The following OPRM1 variants were observed in gnomAD, a reference collection of about 807,000 sequenced individuals.
The protein encoded by OPRM1 is mu-type opioid receptor.
In OPRM1, 27 loss-of-function variants were observed where a neutral mutation model predicts 31.8. That is an observed-to-expected ratio of 0.85 (90% CI 0.63 to 1.17). OPRM1 has a LOEUF of 1.17. Ranked by LOEUF, OPRM1 falls within the 50% of genes most tolerant of loss-of-function variation. The pLI, the probability that OPRM1 is intolerant of heterozygous loss-of-function variation, is 0.00. For missense variants in OPRM1, 536 were observed against 511.1 expected, an observed-to-expected ratio of 1.05 and a Z score of -0.47; for synonymous variants, 196 against 189.9, an observed-to-expected ratio of 1.03 and a Z score of -0.26.
chr6:154,072,642 T>C (rs532835937), intron 1 of OPRM1, among the ~76,000 whole-genome samples: 1 of 152,340 alleles, frequency 6.6e-6, no homozygotes, highest in South Asian at 2.1e-4. Flanking sequence ...TACATTAGTT[T>C]ATGAAAATGA....
chr6:154,014,118 T>A (rs1312130710), intron 1 of OPRM1, among the ~76,000 whole-genome samples: 2 of 152,132 alleles, frequency 1.3e-5, no homozygotes, highest in Non-Finnish European at 2.9e-5. Context: ...TTGATCTAAC[T>A]GATAAGACAC....
chr6:154,210,561 T>C (rs755776711), intron 3 of OPRM1, among the ~76,000 whole-genome samples: 1 of 152,202 alleles, frequency 6.6e-6, no homozygotes, highest in Non-Finnish European at 1.5e-5. Context: ...AAGGGTAAAC[T>C]AATCAGAAAG....
chr6:154,032,326 A>C (rs1779055903), intron 1 of OPRM1, among the ~76,000 whole-genome samples: 1 of 152,228 alleles, frequency 6.6e-6, no homozygotes, highest in Non-Finnish European at 1.5e-5. Context: ...CACTTTTACA[A>C]ATGAAAAAAT....
chr6:154,195,755 T>C (rs1776564126), intron 3 of OPRM1, among the ~76,000 whole-genome samples: 1 of 151,918 alleles, frequency 6.6e-6, no homozygotes, highest in Admixed American at 6.6e-5. Flanking sequence ...CATTAGGTGT[T>C]AACATTTTTT....
chr6:154,093,518 G>C lies in OPRM1; in HGVS notation c.1164+2046G>C, dbSNP rs536957156. ...AAATTCGGCATTTTCACATCAGTAT[G>C]GCTATTGTACAGCCAGATAGAAGAG... On this transcript the variant is annotated intron_variant, in intron 3 of 3. Transcript: ENST00000330432. 11 of 1,592,250 alleles carry C rather than the reference G, an allele frequency of 6.9e-6. No individual in the cohort carries two copies. The South Asian group carries it at 1.3e-4, about 19-fold the overall frequency.
intron 3 of OPRM1, among the ~76,000 whole-genome samples, chr6:154,179,250 C>T (rs1282854173): frequency 6.6e-6 from 1 of 152,202 alleles, no homozygotes; most frequent in African/African-American, 2.4e-5. Context: ...AATTGCTATA[C>T]TAAGACTACA....
At chr6:154,231,131 GAAC>G in intron 3 of OPRM1, among the ~76,000 whole-genome samples, 1 of 152,320 alleles carries the variant, frequency 6.6e-6, no homozygotes, top group South Asian at 2.1e-4. Context: ...TGCCGCCTTA[GAAC>G]AGTTGTCTCT....
At chr6:154,190,933 A>G (rs764892124) in intron 3 of OPRM1, among the ~76,000 whole-genome samples, 2 of 151,998 alleles carry the variant, frequency 1.3e-5, no homozygotes, top group African/African-American at 4.8e-5. Flanking sequence ...GCAGGTACCT[A>G]TAGTCCCAGC....
chr6:154,130,580 T>TA lies in OPRM1; in HGVS notation c.*11859_*11860insA, dbSNP rs1797839115. On this transcript the variant is annotated 3_prime_UTR_variant, in exon 4 of 4. Coordinates refer to ENST00000330432, the MANE Select transcript of OPRM1 (RefSeq NM_000914.5). Reference sequence around the variant, plus strand: ...TGTTAGGCATAGCTATATGAATATTTGCCTATAAATCCCCATCAATTTAAT... The same window carrying TA: ...TGTTAGGCATAGCTATATGAATATTTAGCCTATAAATCCCCATCAATTTAAT... Among the ~76,000 whole-genome samples the TA allele has an allele frequency of 6.6e-6, 1 of 152,144 alleles. No homozygotes were observed. The highest frequency in any genetic ancestry group is 6.6e-5 in the Admixed American group (1 of 15,254).
At chr6:154,198,986 G>C (rs1401270222) in intron 3 of OPRM1, among the ~76,000 whole-genome samples, 1 of 152,170 alleles carries the variant, frequency 6.6e-6, no homozygotes, top group East Asian at 1.9e-4. Flanking sequence ...CGATTGAACA[G>C]TAATAAAAAT....
chr6:154,225,986 G>T (rs945500773), intron 3 of OPRM1, among the ~76,000 whole-genome samples: 2 of 152,132 alleles, frequency 1.3e-5, no homozygotes, highest in African/African-American at 4.8e-5. Flanking sequence ...CCCTCCCTCT[G>T]GAGCCACCCT....
chr6:154,180,406 A>T lies in OPRM1; in HGVS notation c.1165-66287A>T, dbSNP rs1441533093. On this transcript the variant is annotated intron_variant, in intron 3 of 3. Transcript: ENST00000337049. The stretch of plus-strand genomic sequence containing the variant: ...AACAACTATATATATATATATATAT[A>T]TATATATATTTTTTTTTTAAACATG... 7.6e-5 allele frequency among the ~76,000 whole-genome samples: 3 copies of T among 39,356 alleles called. 1 individual carries two copies. The highest frequency in any genetic ancestry group is 1.7e-4 in the Non-Finnish European group (3 of 18,034). 25.8% of individuals were successfully genotyped at this position (39,356 alleles called of 152,430 possible).
chr6:154,072,042 T>C (rs1337368910), intron 1 of OPRM1, among the ~76,000 whole-genome samples: 1 of 152,166 alleles, frequency 6.6e-6, no homozygotes, highest in Non-Finnish European at 1.5e-5. Context: ...TTTTTTTTGG[T>C]CTTTCTCGCA....
At chr6:154,217,433 G>A (rs813752) in intron 3 of OPRM1, 65,426 of 133,436 alleles carry the variant, frequency 0.49, 14,916 homozygotes, top group Admixed American at 0.58. Flanking sequence ...GCTGCATGGA[G>A]AAAAAAAAAA....
At chr6:154,086,646 A>G in intron 1 of OPRM1, 1 of 984,380 alleles carries the variant, frequency 1.0e-6, no homozygotes, top group Non-Finnish European at 1.2e-6. Flanking sequence ...CATTGGAAAT[A>G]CTTAGTGCTA....
At chr6:154,187,993 T>G (rs1801533388) in intron 3 of OPRM1, among the ~76,000 whole-genome samples, 1 of 152,208 alleles carries the variant, frequency 6.6e-6, no homozygotes, top group Non-Finnish European at 1.5e-5. Context: ...TGATTGCCAT[T>G]TCTATCAGCA....
At chr6:154,087,478 G>A (rs1790877792) in intron 1 of OPRM1, 10 of 985,352 alleles carry the variant, frequency 1.0e-5, no homozygotes, top group Non-Finnish European at 1.1e-5. Flanking sequence ...CTGGCTTCAG[G>A]TGTGGGGTTC....
intron 3 of OPRM1, among the ~76,000 whole-genome samples, chr6:154,143,678 G>A (rs969173448): frequency 6.6e-6 from 1 of 152,124 alleles, no homozygotes; most frequent in African/African-American, 2.4e-5. Context: ...GAGGTGATTG[G>A]GCTATGAGGG....
chr6:154,056,731 G>A (rs1182622346), intron 1 of OPRM1, among the ~76,000 whole-genome samples: 2 of 152,094 alleles, frequency 1.3e-5, no homozygotes, highest in East Asian at 1.9e-4. Flanking sequence ...GTGCCAGTGA[G>A]AGGTTGAGCT....
Sources: gnomAD v4.1 joint callset for allele counts (sites outside exome capture counted in the v4.1 genomes callset) on GRCh38, gnomAD v4.1.1 for gene constraint, MANE v1.5 for transcripts, NCBI Gene and HGNC (gene_info 2026-07-23, HGNC 2026-07-21) for gene names.